ZNF385D: variants seen among roughly 807,000 people sequenced by gnomAD.
The protein encoded by ZNF385D is zinc finger protein 385D.
A neutral mutation model predicts 35.8 loss-of-function variants in ZNF385D; 15 were observed. That is an observed-to-expected ratio of 0.42 (90% CI 0.28 to 0.64). The LOEUF (loss-of-function observed/expected upper bound fraction) is 0.64. ZNF385D is among the 30% of genes least tolerant of loss of function. The probability of loss-of-function intolerance (pLI) is 0.23; values close to 1 mark genes in which losing one functional copy is unlikely to be tolerated. For missense variants in ZNF385D, 474 were observed against 494.6 expected (o/e 0.96, Z 0.39); for synonymous variants, 212 against 186.8 (o/e 1.13, Z -1.10).
intron 3 of ZNF385D, among the ~76,000 whole-genome samples, chr3:22,163,574 G>A (rs193266695): frequency 7.9e-5 from 12 of 152,104 alleles, no homozygotes; most frequent in Non-Finnish European, 1.5e-5. Context: ...ATGCCTCAAG[G>A]CATATAATCA....
intron 3 of ZNF385D, among the ~76,000 whole-genome samples, chr3:21,954,412 A>G (rs770452175): frequency 2.0e-5 from 3 of 151,946 alleles, no homozygotes; most frequent in Non-Finnish European, 4.4e-5. Flanking sequence ...GGGAGTTTTT[A>G]ATTATTTTAT....
intron 3 of ZNF385D, among the ~76,000 whole-genome samples, chr3:21,791,054 C>T (rs1296236985): frequency 6.6e-6 from 1 of 152,194 alleles, no homozygotes; most frequent in Non-Finnish European, 1.5e-5. Flanking sequence ...TAACAAGCAA[C>T]TTTATTCTCA....
At chr3:21,500,769 T>A (rs1014561802) in intron 4 of ZNF385D, among the ~76,000 whole-genome samples, 2 of 152,024 alleles carry the variant, frequency 1.3e-5, no homozygotes, top group Non-Finnish European at 2.9e-5. Flanking sequence ...GTGGTAGGAG[T>A]TACTAAGAAA....
intron 4 of ZNF385D, among the ~76,000 whole-genome samples, chr3:21,509,575 T>G (rs1575076101): frequency 6.6e-6 from 1 of 152,208 alleles, no homozygotes; most frequent in East Asian, 1.9e-4. Flanking sequence ...AAGCCTGTCT[T>G]TTTTTTTCCT....
At chr3:21,960,425 G>C (rs1702524588) in intron 3 of ZNF385D, among the ~76,000 whole-genome samples, 2 of 149,732 alleles carry the variant, frequency 1.3e-5, no homozygotes, top group Non-Finnish European at 3.0e-5. Context: ...TTACCAAAAA[G>C]ACAAAAATAG....
chr3:21,564,128 T>A (rs1004033602), intron 3 of ZNF385D, among the ~76,000 whole-genome samples: 2 of 152,124 alleles, frequency 1.3e-5, no homozygotes, highest in African/African-American at 4.8e-5. Context: ...ATTAAGGACA[T>A]AGCGGTAATA....
intron 2 of ZNF385D, among the ~76,000 whole-genome samples, chr3:22,242,684 C>T (rs1219958853): frequency 6.6e-6 from 1 of 150,796 alleles, no homozygotes; most frequent in African/African-American, 2.5e-5. Flanking sequence ...TAAACTGCAT[C>T]CTGGAACATT....
intron 2 of ZNF385D, among the ~76,000 whole-genome samples, chr3:21,613,622 CCT>C (rs939194428): frequency 2.7e-4 from 41 of 152,216 alleles, no homozygotes; most frequent in African/African-American, 9.9e-4. Flanking sequence ...ATTACATAAA[CCT>C]CTGTTTATTT....
intron 2 of ZNF385D, among the ~76,000 whole-genome samples, chr3:22,176,832 C>G (rs1320592187): frequency 2.0e-5 from 3 of 151,788 alleles, no homozygotes; most frequent in Non-Finnish European, 2.9e-5. Flanking sequence ...AGTTTAACCT[C>G]GAAAATAAAA....
intron 1 of ZNF385D, among the ~76,000 whole-genome samples, chr3:21,696,845 T>C (rs2067489059): frequency 1.3e-5 from 2 of 152,224 alleles, no homozygotes; most frequent in Admixed American, 1.3e-4. Flanking sequence ...GCAAGCACAT[T>C]ACCTCTGAAT....
intron 1 of ZNF385D, among the ~76,000 whole-genome samples, chr3:21,726,727 G>A (rs886306408): frequency 1.3e-5 from 2 of 152,154 alleles, no homozygotes; most frequent in Non-Finnish European, 2.9e-5. Context: ...AACCAATATC[G>A]TGAAAATGCC....
At chr3:21,786,009 C>T (rs1575647013) in intron 3 of ZNF385D, among the ~76,000 whole-genome samples, 1 of 139,832 alleles carries the variant, frequency 7.2e-6, no homozygotes, top group Non-Finnish European at 1.5e-5. Context: ...ATCCCAAGTG[C>T]TGTTACTTTA....
intron 2 of ZNF385D, among the ~76,000 whole-genome samples, chr3:22,275,831 T>C (rs957132133): frequency 3.9e-5 from 6 of 152,166 alleles, no homozygotes; most frequent in African/African-American, 1.2e-4. Flanking sequence ...ACGCCTGTAA[T>C]CCCTGCACTT....
intron 3 of ZNF385D, among the ~76,000 whole-genome samples, chr3:21,757,882 G>T (rs1410842567): frequency 6.6e-6 from 1 of 152,098 alleles, no homozygotes; most frequent in Non-Finnish European, 1.5e-5. Context: ...TGCCTCAGAT[G>T]GTGTCTGAAA....
chr3:22,100,384 G>A lies in ZNF385D; in HGVS notation c.325+68433C>T, dbSNP rs535809335. Among the ~76,000 whole-genome samples, 75 of 147,648 alleles carry A rather than the reference G, an allele frequency of 5.1e-4. 1 individual carries two copies. Among genetic ancestry groups the A allele is most frequent in the Admixed American group, 2.2e-3 (33 of 14,746 alleles). On this transcript the variant is annotated intron_variant, in intron 3 of 5. Transcript: ENST00000494108. ...TGCTGCTATAAAGACACATGCACAC[G>A]TATGTTTATTGCGGCAGTATTCACA...
At chr3:22,139,892 T>C (rs1370223627) in intron 3 of ZNF385D, among the ~76,000 whole-genome samples, 7 of 152,104 alleles carry the variant, frequency 4.6e-5, no homozygotes, top group African/African-American at 1.4e-4. Context: ...AAATAAAAGA[T>C]AGTGAAATAT....
intron 2 of ZNF385D, among the ~76,000 whole-genome samples, chr3:22,208,596 T>C (rs1204045559): frequency 6.6e-6 from 1 of 151,784 alleles, no homozygotes; most frequent in Admixed American, 6.6e-5. Flanking sequence ...GGATAAATGC[T>C]TGATGTAATG....
In ZNF385D at chr3:21,895,186, T is replaced by TA. The variant is rs200417306; in HGVS notation, c.326-230159dup. Among the ~76,000 whole-genome samples the TA allele has an allele frequency of 6.6e-3, 1,010 of 152,166 alleles. 9 individuals are homozygous for TA. The highest frequency in any genetic ancestry group is 0.023 in the African/African-American group (961 of 41,504). ...AATGAGGTATTTCTATTTGACTGATTAGAGTTCACCAGGGTAACTGGTAAG... is the reference window on the plus strand; with the variant it reads ...AATGAGGTATTTCTATTTGACTGATTAAGAGTTCACCAGGGTAACTGGTAAG... On this transcript the variant is annotated intron_variant, in intron 3 of 5. Transcript: ENST00000494108.
At chr3:21,834,312 C>G (rs1043038101) in intron 3 of ZNF385D, among the ~76,000 whole-genome samples, 2 of 152,134 alleles carry the variant, frequency 1.3e-5, no homozygotes, top group Admixed American at 1.3e-4. Context: ...AAACTCCATC[C>G]CCCTAAGAAA....
Sources: gnomAD v4.1 joint callset for allele counts (sites outside exome capture counted in the v4.1 genomes callset) on GRCh38, gnomAD v4.1.1 for gene constraint, MANE v1.5 for transcripts, NCBI Gene and HGNC (gene_info 2026-07-23, HGNC 2026-07-21) for gene names.